The following DSCAM variants were observed in gnomAD, a reference collection of about 807,000 sequenced individuals.
DSCAM encodes the protein DS cell adhesion molecule.
Under a neutral mutation model 217.7 loss-of-function variants are expected in DSCAM, and 47 were observed. The observed-to-expected ratio is 0.22, with a 90% CI of 0.17 to 0.28. DSCAM has a LOEUF of 0.28. Among genes scored for constraint, DSCAM ranks in the 10% least tolerant of loss-of-function variants. The pLI, the probability that DSCAM is intolerant of heterozygous loss-of-function variation, is 1.00. For synonymous variants in DSCAM, 1,056 were observed against 1,015.3 expected, an observed-to-expected ratio of 1.04 and a Z score of -0.76; for missense variants, 2,080 against 2,618.3, an observed-to-expected ratio of 0.79 and a Z score of 4.49.
At chr21:40,444,808 A>G (rs976244006) in intron 3 of DSCAM, among the ~76,000 whole-genome samples, 1 of 152,128 alleles carries the variant, frequency 6.6e-6, no homozygotes, top group African/African-American at 2.4e-5. Context: ...CAGATTACAT[A>G]TGATGGTGGG....
chr21:40,493,628 G>C (rs903883997), intron 3 of DSCAM, among the ~76,000 whole-genome samples: 12 of 151,954 alleles, frequency 7.9e-5, no homozygotes, highest in Non-Finnish European at 1.2e-4. Flanking sequence ...TTAGGAGGCC[G>C]AGGCAGGTGG....
intron 1 of DSCAM, among the ~76,000 whole-genome samples, chr21:40,788,365 T>C (rs906548266): frequency 6.6e-6 from 1 of 152,218 alleles, no homozygotes; most frequent in Non-Finnish European, 1.5e-5. Flanking sequence ...TAAATTTGGT[T>C]CCCCTTTGTG....
intron 20 of DSCAM, among the ~76,000 whole-genome samples, chr21:40,102,880 G>A (rs2089772359): frequency 6.6e-6 from 1 of 152,034 alleles, no homozygotes. Flanking sequence ...GTGGGTTATG[G>A]TCTTGCATGT....
chr21:40,533,575 A>G (rs1414031409), intron 3 of DSCAM, among the ~76,000 whole-genome samples: 5 of 138,914 alleles, frequency 3.6e-5, no homozygotes, highest in South Asian at 2.4e-4. Flanking sequence ...CCATCCATCC[A>G]TCCATCCAAC....
At chr21:40,263,711 G>A (rs1040086675) in intron 11 of DSCAM, among the ~76,000 whole-genome samples, 1 of 151,786 alleles carries the variant, frequency 6.6e-6, no homozygotes, top group African/African-American at 2.4e-5. Context: ...AAAGATCAGA[G>A]CAGAACTAAA....
chr21:40,124,349 G>C (rs1449312783), intron 19 of DSCAM, 21 bp from the exon 20 acceptor site: 1 of 1,612,794 alleles, frequency 6.2e-7, no homozygotes, highest in Non-Finnish European at 8.5e-7. Context: ...CGTGTGTTTA[G>C]TCACAAGGTG....
chr21:40,031,570 C>A (rs1444830391), intron 32 of DSCAM, among the ~76,000 whole-genome samples: 1 of 152,138 alleles, frequency 6.6e-6, no homozygotes, highest in East Asian at 1.9e-4. Flanking sequence ...ACAGGCAAAT[C>A]TTGAGAAGGT....
At chr21:40,762,981 A>G (rs1183475835) in intron 1 of DSCAM, among the ~76,000 whole-genome samples, 1 of 152,226 alleles carries the variant, frequency 6.6e-6, no homozygotes. Context: ...CCCATAGCCA[A>G]TATCATACTG....
intron 3 of DSCAM, among the ~76,000 whole-genome samples, chr21:40,490,383 TTTTAA>T (rs1384791338): frequency 6.6e-6 from 1 of 152,234 alleles, no homozygotes; most frequent in Non-Finnish European, 1.5e-5. Context: ...ATTCTAGACA[TTTTAA>T]TTTCTTTTAC....
chr21:40,488,470 TC>T (rs573305378), intron 3 of DSCAM, among the ~76,000 whole-genome samples: 218 of 152,338 alleles, frequency 1.4e-3, no homozygotes, highest in African/African-American at 5.1e-3. Flanking sequence ...ACTGCTGAAC[TC>T]TGAAGTTTGA....
chr21:40,567,292 G>A (rs1204622835), intron 3 of DSCAM, among the ~76,000 whole-genome samples: 6 of 152,160 alleles, frequency 3.9e-5, no homozygotes, highest in Non-Finnish European at 5.9e-5. Flanking sequence ...TTAATTGAAC[G>A]GCCTTTGTGC....
chr21:40,833,842 G>A (rs928536144), intron 1 of DSCAM, among the ~76,000 whole-genome samples: 3 of 152,050 alleles, frequency 2.0e-5, no homozygotes, highest in Admixed American at 6.5e-5. Context: ...CTCAACCTTG[G>A]CACAATGAAG....
chr21:40,576,905 G>A (rs1232723598), intron 3 of DSCAM, among the ~76,000 whole-genome samples: 2 of 151,410 alleles, frequency 1.3e-5, no homozygotes, highest in Non-Finnish European at 2.9e-5. Context: ...GCACCCAGGC[G>A]AGTTAGAGAA....
At chr21:40,242,196 C>T (rs1166466094) in intron 11 of DSCAM, among the ~76,000 whole-genome samples, 2 of 151,406 alleles carry the variant, frequency 1.3e-5, no homozygotes, top group Non-Finnish European at 2.9e-5. Context: ...GTTAGATGGA[C>T]TCCTGAAGGA....
chr21:40,380,602 A>G (rs2075010244), intron 3 of DSCAM, among the ~76,000 whole-genome samples: 2 of 152,170 alleles, frequency 1.3e-5, no homozygotes, highest in African/African-American at 4.8e-5. Context: ...TGGGGTGTGT[A>G]TGTAAGGATT....
At chr21:40,807,174 G>C (rs1221265452) in intron 1 of DSCAM, among the ~76,000 whole-genome samples, 1 of 152,036 alleles carries the variant, frequency 6.6e-6, no homozygotes, top group Non-Finnish European at 1.5e-5. Context: ...CGTAATATAA[G>C]GAAAAACATA....
intron 3 of DSCAM, among the ~76,000 whole-genome samples, chr21:40,603,662 C>T (rs1166693236): frequency 6.6e-6 from 1 of 151,982 alleles, no homozygotes; most frequent in African/African-American, 2.4e-5. Context: ...TTCTCCTTCA[C>T]TTTTGAAGAA....
At chr21:40,402,048 CCTTTTT>C (rs1385903216) in intron 3 of DSCAM, among the ~76,000 whole-genome samples, 8 of 100,120 alleles carry the variant, frequency 8.0e-5, no homozygotes, top group Non-Finnish European at 1.7e-4. Context: ...TATTCTTATT[CCTTTTT>C]TTTTTTTTTT....
In DSCAM at chr21:40,537,660, C is replaced by T. The variant is rs1295640224; in HGVS notation, c.508+155150G>A. 2.0e-5 allele frequency among the ~76,000 whole-genome samples: 3 copies of T among 152,124 alleles called. No individual in the cohort carries two copies. In the East Asian group the frequency reaches 5.8e-4, roughly 29 times the overall value. Reference sequence around the variant, plus strand: ...TTTATAAATAGGAGAAATTTGGACACAGACAGACACACAGAGAGAATGCCC... The same window carrying T: ...TTTATAAATAGGAGAAATTTGGACATAGACAGACACACAGAGAGAATGCCC... On this transcript the variant is annotated intron_variant, in intron 3 of 32. Transcript: ENST00000400454.
Sources: gnomAD v4.1 joint callset for allele counts (sites outside exome capture counted in the v4.1 genomes callset) on GRCh38, gnomAD v4.1.1 for gene constraint, MANE v1.5 for transcripts, NCBI Gene and HGNC (gene_info 2026-07-23, HGNC 2026-07-21) for gene names.